Variants in CENPC observed in about 807,000 individuals in gnomAD.
The protein encoded by CENPC is centromere protein C, also known as CENP-C 1.
In CENPC, 63 loss-of-function variants were observed where a neutral mutation model predicts 112.1. The ratio of observed to expected loss-of-function variants is 0.56; its 90% confidence interval spans 0.46 to 0.69. The LOEUF (loss-of-function observed/expected upper bound fraction) is 0.69. Ranked by LOEUF, CENPC falls within the 30% of genes least tolerant of loss-of-function variation. The probability of loss-of-function intolerance (pLI) is 0.00; values close to 1 mark genes in which losing one functional copy is unlikely to be tolerated. For synonymous variants in CENPC, 333 were observed against 367.6 expected, an observed-to-expected ratio of 0.91 and a Z score of 1.08; for missense variants, 1,000 against 1,103.8, an observed-to-expected ratio of 0.91 and a Z score of 1.33.
intron 12 of CENPC, among the ~76,000 whole-genome samples, chr4:67,504,550 G>A (rs560176220): frequency 1.4e-4 from 21 of 152,254 alleles, no homozygotes; most frequent in Admixed American, 6.5e-4. Context: ...GGCCGGGAGT[G>A]GTGGCTCACA....
intron 17 of CENPC, among the ~76,000 whole-genome samples, chr4:67,486,498 C>G (rs182549105): frequency 6.6e-6 from 1 of 152,212 alleles, no homozygotes; most frequent in African/African-American, 2.4e-5. Context: ...GCACCACATA[C>G]AGTGATTGGT....
intron 9 of CENPC, among the ~76,000 whole-genome samples, chr4:67,511,756 T>C (rs183942061): frequency 1.1e-3 from 166 of 152,238 alleles, no homozygotes; most frequent in African/African-American, 3.4e-3. Flanking sequence ...GCTTCCCTAA[T>C]AGACATTTTG....
intron 2 of CENPC, among the ~76,000 whole-genome samples, chr4:67,543,731 A>AT (rs1435276686): frequency 2.0e-5 from 3 of 152,176 alleles, no homozygotes; most frequent in Non-Finnish European, 1.5e-5. Context: ...TAACTAGAAA[A>AT]TTTACTTTTT....
At chr4:67,515,414 C>T (rs1018512585) in intron 7 of CENPC, among the ~76,000 whole-genome samples, 3 of 151,142 alleles carry the variant, frequency 2.0e-5, no homozygotes, top group African/African-American at 7.3e-5. Context: ...TGCAGTGAGC[C>T]GAGATTGCAC....
At chr4:67,537,534 T>C (rs2109833028) in intron 4 of CENPC, among the ~76,000 whole-genome samples, 1 of 152,240 alleles carries the variant, frequency 6.6e-6, no homozygotes, top group South Asian at 2.1e-4. Context: ...GGCTCACACC[T>C]GTAATCCCAG....
At chr4:67,536,284 G>C (rs921029365) in intron 4 of CENPC, among the ~76,000 whole-genome samples, 4 of 152,038 alleles carry the variant, frequency 2.6e-5, no homozygotes, top group African/African-American at 7.2e-5. Context: ...TATAAAAAAT[G>C]CAATAGATCA....
At chr4:67,472,917 A>T (rs114494747) in intron 18 of CENPC, among the ~76,000 whole-genome samples, 1,711 of 152,312 alleles carry the variant, frequency 0.011, 34 homozygotes, top group African/African-American at 0.039. Flanking sequence ...AAATACGGAG[A>T]TGAATCAGTC....
In CENPC at chr4:67,512,406, CT is replaced by C; in HGVS notation, c.1607del (p.Glu536GlyfsTer11). 6.3e-7 allele frequency: 1 copy of C among 1,585,410 alleles called. No homozygotes were observed. The highest frequency in any genetic ancestry group is 8.6e-7 in the Non-Finnish European group (1 of 1,166,080). On this transcript the variant is annotated frameshift_variant, in exon 9 of 19. Transcript: ENST00000273853. LOFTEE classifies it high-confidence loss of function. Reference protein sequence around the residue: ...RPSDWWVVKSEESPVYSNSSV... With the variant: ...RPSDWWVVKSXESPVYSNSSV... ...AATTTAAATAAAAATACTTACTCTC[CT>C]CTGATTTTACCACCCACCAATCAGA...
intron 16 of CENPC, among the ~76,000 whole-genome samples, chr4:67,491,491 A>AGT (rs1725272091): frequency 8.8e-6 from 1 of 113,086 alleles, no homozygotes; most frequent in Non-Finnish European, 1.8e-5. Context: ...AGAGAGAGAG[A>AGT]GAGAGAGAGA....
rs758660047 is a variant in CENPC, at chr4:67,540,981, T to A, written c.135A>T (p.Lys45Asn). Residue 45 changes from lysine to asparagine, a missense_variant and splice_region_variant, in exon 3 of 19, where the codon AAA becomes AAT. By Grantham distance (94) the Lys-to-Asn change is moderately conservative (BLOSUM62 0). Coordinates refer to ENST00000273853, the MANE Select transcript of CENPC (RefSeq NM_001812.4). ...TTCCATCTTGAAATGAAGCCTTACT[T>A]TTTTCTTCAAAACAGTCTTGTAAGA... ...LEILQDCFEEKSLANDFSTNS... is the reference protein window; with the variant it reads ...LEILQDCFEENSLANDFSTNS... 1.2e-6 allele frequency: 2 copies of A among 1,602,684 alleles called. No homozygotes were observed. The highest frequency in any genetic ancestry group is 4.5e-5 in the East Asian group (2 of 44,594).
chr4:67,496,802 A>G (rs534106758), intron 12 of CENPC, among the ~76,000 whole-genome samples: 3 of 152,226 alleles, frequency 2.0e-5, no homozygotes, highest in South Asian at 4.1e-4. Flanking sequence ...GTCAATGACT[A>G]CATATCATTG....
In CENPC at chr4:67,486,367, G is replaced by A. The variant is rs566040653; in HGVS notation, c.2670+3600C>T. On this transcript the variant is annotated intron_variant, in intron 17 of 18. Transcript: ENST00000273853. ...TCAAGTGCTTCTAAAAAACATAACC[G>A]CAATACTGTTATCACACCTAAAAAA... Among the ~76,000 whole-genome samples the A allele has an allele frequency of 2.6e-5, 4 of 152,026 alleles. No individual in the cohort carries two copies. The South Asian group carries it at 8.3e-4, about 32-fold the overall frequency.
intron 12 of CENPC, among the ~76,000 whole-genome samples, chr4:67,499,411 T>C (rs1366753104): frequency 6.6e-6 from 1 of 152,246 alleles, no homozygotes; most frequent in Non-Finnish European, 1.5e-5. Flanking sequence ...GATAACTTGC[T>C]GCAACATCAG....
rs778937184 is a variant in CENPC, at chr4:67,490,034, GA to G, written c.2602del (p.Ser868LeufsTer5). The G allele has an allele frequency of 1.9e-6, 3 of 1,604,510 alleles. No individual in the cohort carries two copies. Among genetic ancestry groups the G allele is most frequent in the African/African-American group, 1.3e-5 (1 of 74,534 alleles). Reference protein sequence around the residue: ...VYKTLDTPFFSTGKLILGPQE... With the variant: ...VYKTLDTPFFXTGKLILGPQE... ...TGGTCCTAATATCAATTTCCCAGTA[GA>G]AAAAAAGGGTGTATCCAATGTCTTG... On this transcript the variant is annotated frameshift_variant, in exon 17 of 19. Transcript: ENST00000273853. LOFTEE classifies it high-confidence loss of function.
Position 67,492,106 on chromosome 4 carries a change from G to A in CENPC, c.2515+74C>T, listed in dbSNP as rs147964640. The A allele has an allele frequency of 2.5e-4, 250 of 1,002,542 alleles. 1 individual carries two copies. The African/African-American group carries it at 3.5e-3, about 14-fold the overall frequency. The allele number at this position is 1,002,542 out of a possible 1,614,324, so 62.1% of individuals were successfully genotyped here. A position where few individuals can be genotyped will look rare whatever the true frequency, so the allele number is the denominator to read the frequency against. On this transcript the variant is annotated intron_variant, in intron 16 of 18. Transcript: ENST00000273853. ...GGGGAGAGAAAGGGAAAGTAGACAG[G>A]CCAATCATCAAGCAAGCAATATTTT... is the stretch of plus-strand genomic sequence containing the variant.
intron 5 of CENPC, among the ~76,000 whole-genome samples, chr4:67,520,480 TAA>T (rs1726191915): frequency 6.6e-6 from 1 of 151,954 alleles, no homozygotes; most frequent in African/African-American, 2.4e-5. Context: ...AAGAACAGCG[TAA>T]GAGAGGCCAG....
intron 5 of CENPC, among the ~76,000 whole-genome samples, chr4:67,526,335 A>G (rs562704669): frequency 6.6e-6 from 1 of 151,878 alleles, no homozygotes; most frequent in East Asian, 1.9e-4. Flanking sequence ...TAAAGTAAAA[A>G]AAATATTTAA....
At chr4:67,532,588 T>C (rs1726587764) in intron 4 of CENPC, among the ~76,000 whole-genome samples, 1 of 152,214 alleles carries the variant, frequency 6.6e-6, no homozygotes, top group Non-Finnish European at 1.5e-5. Context: ...TGAGTTCATG[T>C]CCTTTATAGG....
intron 5 of CENPC, among the ~76,000 whole-genome samples, chr4:67,523,910 G>A (rs111544566): frequency 3.1e-4 from 47 of 151,970 alleles, no homozygotes; most frequent in African/African-American, 1.1e-3. Flanking sequence ...AAGGGACACT[G>A]GAACCAAAGT....
Sources: allele counts gnomAD v4.1 joint callset (sites outside exome capture counted in the v4.1 genomes callset), GRCh38; gene constraint gnomAD v4.1.1; transcripts MANE v1.5; gene names NCBI Gene and HGNC (gene_info 2026-07-23, HGNC 2026-07-21).